IL1RL2: variants seen among roughly 807,000 people sequenced by gnomAD.
IL1RL2 encodes the protein interleukin-1 receptor-like 2.
Under a neutral mutation model 66.8 loss-of-function variants are expected in IL1RL2, and 68 were observed. The observed-to-expected ratio is 1.02, with a 90% CI of 0.84 to 1.25. The LOEUF is 1.25. Among genes scored for constraint, IL1RL2 ranks in the 50% most tolerant of loss-of-function variants. IL1RL2 has a pLI of 0.00. For missense variants in IL1RL2, 729 were observed against 709.3 expected (o/e 1.03, Z -0.32); for synonymous variants, 305 against 264.6 (o/e 1.15, Z -1.48).
intron 8 of IL1RL2, among the ~76,000 whole-genome samples, chr2:102,222,932 A>G (rs1207907401): frequency 6.6e-6 from 1 of 152,178 alleles, no homozygotes; most frequent in Non-Finnish European, 1.5e-5. Flanking sequence ...TATAGACTGA[A>G]GCTGACCAAT....
chr2:102,208,663 A>G (rs532882013), intron 5 of IL1RL2, among the ~76,000 whole-genome samples: 85 of 152,360 alleles, frequency 5.6e-4, no homozygotes, highest in African/African-American at 2.0e-3. Flanking sequence ...TCTGGTCAGC[A>G]TGGGTGGCTC....
At chr2:102,227,138 A>G (rs1690692327) in intron 9 of IL1RL2, among the ~76,000 whole-genome samples, 1 of 152,204 alleles carries the variant, frequency 6.6e-6, no homozygotes, top group South Asian at 2.1e-4. Context: ...AGGCCTTGCA[A>G]AAGTAATAAA....
chr2:102,208,983 G>T (rs1688934703), intron 5 of IL1RL2, among the ~76,000 whole-genome samples: 1 of 152,188 alleles, frequency 6.6e-6, no homozygotes, highest in African/African-American at 2.4e-5. Context: ...TGAGCCCAGT[G>T]CCTGGCCTAG....
intron 4 of IL1RL2, 90 bp from the exon 5 acceptor site, chr2:102,201,466 T>C: frequency 8.3e-7 from 1 of 1,204,632 alleles, no homozygotes; most frequent in African/African-American, 1.5e-5. Context: ...ATCTGTTGTC[T>C]TCCAGTTAGA....
At position 102,203,905 on chromosome 2, in the gene IL1RL2, C is replaced by T. The variant is rs74980181; in HGVS notation, c.649+2190C>T. Among the ~76,000 whole-genome samples, 823 of 151,436 alleles carry T rather than the reference C, an allele frequency of 5.4e-3. 11 individuals carry two copies. Among genetic ancestry groups the T allele is most frequent in the African/African-American group, 0.019 (790 of 41,416 alleles). Reference sequence around the variant, plus strand: ...TTCTGTGTTTTTTTCATTTCAATTTCATTTATTTCTTCTACTAATTTTGGG... The same window carrying T: ...TTCTGTGTTTTTTTCATTTCAATTTTATTTATTTCTTCTACTAATTTTGGG... On this transcript the variant is annotated intron_variant, in intron 5 of 11. Transcript: ENST00000264257.
chr2:102,205,812 T>G (rs1476099560), intron 5 of IL1RL2, among the ~76,000 whole-genome samples: 1 of 152,220 alleles, frequency 6.6e-6, no homozygotes, highest in Non-Finnish European at 1.5e-5. Flanking sequence ...TCCTTTTGAA[T>G]AAACTTTCTA....
Position 102,225,702 on chromosome 2 carries a change from A to G in IL1RL2, c.992-196A>G, listed in dbSNP as rs183761889. Among the ~76,000 whole-genome samples the G allele has an allele frequency of 1.0e-3, 153 of 152,210 alleles. 1 individual carries two copies. The highest frequency in any genetic ancestry group is 3.4e-3 in the African/African-American group (143 of 41,544). On this transcript the variant is annotated intron_variant, in intron 8 of 11. Transcript: ENST00000264257. ...GGAGCTGACTTGTTTCCTAACAATC[A>G]TGGTGCAGATCAGATTATTCTGCTC...
chr2:102,222,231 G>T (rs11687459), intron 8 of IL1RL2, among the ~76,000 whole-genome samples: 1 of 151,902 alleles, frequency 6.6e-6, no homozygotes. Flanking sequence ...TTACGTTGCC[G>T]TATCCTAGTC....
chr2:102,232,867 C>A, intron 9 of IL1RL2, 96 bp from the exon 10 acceptor site: 2 of 1,420,870 alleles, frequency 1.4e-6, no homozygotes, highest in South Asian at 1.4e-5. Context: ...GGAACCCAGG[C>A]CAAAGGACAC....
rs762371061 is a variant in IL1RL2, at chr2:102,226,135, G to A, written c.1135+94G>A. ...AATATACTTTGTCATATTTTACTAC[G>A]TTGTTGGCAAATTTAGGGAAAGGAA... On this transcript the variant is annotated intron_variant, in intron 9 of 11. Coordinates refer to ENST00000264257, the MANE Select transcript of IL1RL2 (RefSeq NM_003854.4). 3.3e-5 allele frequency: 35 copies of A among 1,072,116 alleles called. 1 individual carries two copies. The highest frequency in any genetic ancestry group is 9.7e-5 in the South Asian group (4 of 41,282). 66.4% of individuals were successfully genotyped at this position (1,072,116 alleles called of 1,614,324 possible). A position where few individuals can be genotyped will look rare whatever the true frequency, so the allele number is the denominator to read the frequency against.
intron 8 of IL1RL2, among the ~76,000 whole-genome samples, chr2:102,221,261 C>T (rs1306771703): frequency 1.3e-5 from 2 of 152,170 alleles, no homozygotes; most frequent in Admixed American, 1.3e-4. Context: ...AGAGGTTCAT[C>T]ATCTGTGCTG....
chr2:102,213,763 C>T (rs1689379830), intron 6 of IL1RL2, among the ~76,000 whole-genome samples: 1 of 151,764 alleles, frequency 6.6e-6, no homozygotes, highest in Non-Finnish European at 1.5e-5. Context: ...TATAAAAGGA[C>T]CAACTAAACA....
intron 4 of IL1RL2, among the ~76,000 whole-genome samples, chr2:102,192,481 C>T (rs904799251): frequency 1.3e-5 from 2 of 152,292 alleles, no homozygotes; most frequent in South Asian, 2.1e-4. Context: ...AACCTCTTTC[C>T]TGCTACCGTT....
At chr2:102,242,934 T>A (rs1675264470), downstream of IL1RL2, among the ~76,000 whole-genome samples, 1 of 152,242 alleles carries the variant, frequency 6.6e-6, no homozygotes, top group Admixed American at 6.5e-5. Flanking sequence ...TCTATTTATA[T>A]CTGATCATTT....
intron 10 of IL1RL2, among the ~76,000 whole-genome samples, chr2:102,233,661 T>C (rs1403523062): frequency 1.3e-5 from 2 of 152,158 alleles, no homozygotes; most frequent in Non-Finnish European, 2.9e-5. Context: ...TTAACTTCTC[T>C]CAACCTCAGT....
At chr2:102,190,196 T>C (rs1230863708) in intron 3 of IL1RL2, among the ~76,000 whole-genome samples, 1 of 152,182 alleles carries the variant, frequency 6.6e-6, no homozygotes, top group Non-Finnish European at 1.5e-5. Context: ...GTCAAGCCCA[T>C]CTTCTCACTT....
At chr2:102,238,185 G>C (rs1267505741) in intron 11 of IL1RL2, among the ~76,000 whole-genome samples, 1 of 152,098 alleles carries the variant, frequency 6.6e-6, no homozygotes, top group Non-Finnish European at 1.5e-5. Context: ...TTGGACCAGA[G>C]AGGTGAAATA....
intron 5 of IL1RL2, among the ~76,000 whole-genome samples, chr2:102,208,847 A>C (rs1688921271): frequency 6.6e-6 from 1 of 152,242 alleles, no homozygotes; most frequent in Admixed American, 6.5e-5. Flanking sequence ...TGCTAAAAGC[A>C]CAGTCATTAA....
intron 5 of IL1RL2, among the ~76,000 whole-genome samples, chr2:102,207,937 T>C (rs942602240): frequency 1.3e-5 from 2 of 152,218 alleles, no homozygotes; most frequent in African/African-American, 4.8e-5. Context: ...CAATTCCCTC[T>C]GTCTAGGGCT....
Sources: gnomAD v4.1 joint callset for allele counts (sites outside exome capture counted in the v4.1 genomes callset) on GRCh38, gnomAD v4.1.1 for gene constraint, MANE v1.5 for transcripts, NCBI Gene and HGNC (gene_info 2026-07-23, HGNC 2026-07-21) for gene names.